The following SEZ6L variants were observed in gnomAD, a reference collection of about 807,000 sequenced individuals.
The protein encoded by SEZ6L is seizure 6-like protein.
Under a neutral mutation model 106.2 loss-of-function variants are expected in SEZ6L, and 37 were observed. The observed-to-expected ratio is 0.35, with a 90% CI of 0.27 to 0.46. The LOEUF is 0.46. SEZ6L is among the 20% of genes least tolerant of loss of function. The pLI is 1.00. For synonymous variants in SEZ6L, 541 were observed against 570.4 expected (o/e 0.95, Z 0.73); for missense variants, 1,172 against 1,332.8 (o/e 0.88, Z 1.88).
chr22:26,170,779 T>A (rs569534917), intron 1 of SEZ6L, among the ~76,000 whole-genome samples: 1 of 152,130 alleles, frequency 6.6e-6, no homozygotes, highest in South Asian at 2.1e-4. Flanking sequence ...TCTTGCAAGG[T>A]CCCAGAAATG....
intron 3 of SEZ6L, among the ~76,000 whole-genome samples, chr22:26,295,883 A>G (rs1235975098): frequency 6.6e-6 from 1 of 152,216 alleles, no homozygotes; most frequent in Non-Finnish European, 1.5e-5. Flanking sequence ...AGGAACAGGC[A>G]AACTCCTTGG....
At chr22:26,226,290 T>C (rs965253895) in intron 1 of SEZ6L, among the ~76,000 whole-genome samples, 5 of 152,242 alleles carry the variant, frequency 3.3e-5, no homozygotes, top group African/African-American at 9.6e-5. Context: ...ATGATGAATG[T>C]GATCCACTGT....
In SEZ6L at chr22:26,321,004, A is replaced by C. The variant is rs192887986; in HGVS notation, c.2015+7102A>C. ...TGATCTATGCTAAGACCTGAAAGAC[A>C]GAGAGAAGATGGGCAGAGATGGAGG... On this transcript the variant is annotated intron_variant, in intron 9 of 16. Coordinates refer to ENST00000248933, the MANE Select transcript of SEZ6L (RefSeq NM_021115.5). Among the ~76,000 whole-genome samples the C allele has an allele frequency of 5.9e-5, 9 of 152,336 alleles. No homozygotes were observed. The East Asian group carries it at 1.7e-3, about 29-fold the overall frequency.
At chr22:26,198,309 A>C (rs187396560) in intron 1 of SEZ6L, among the ~76,000 whole-genome samples, 2 of 152,364 alleles carry the variant, frequency 1.3e-5, no homozygotes, top group Admixed American at 1.3e-4. Context: ...TGGATAATAC[A>C]TGTAAAAGTA....
At chr22:26,318,087 A>ATTTTT (rs1556344181) in intron 9 of SEZ6L, among the ~76,000 whole-genome samples, 1 of 141,086 alleles carries the variant, frequency 7.1e-6, no homozygotes, top group Non-Finnish European at 1.6e-5. Flanking sequence ...ATTTTATTTT[A>ATTTTT]TTTTTTGTGA....
At chr22:26,357,986 C>T (rs1230708291) in intron 12 of SEZ6L, among the ~76,000 whole-genome samples, 1 of 152,152 alleles carries the variant, frequency 6.6e-6, no homozygotes, top group Middle Eastern at 3.2e-3. Context: ...TTCTCACAGC[C>T]CTGAGCCCAG....
chr22:26,378,407 G>C (rs1382959234), intron 16 of SEZ6L, among the ~76,000 whole-genome samples: 1 of 152,190 alleles, frequency 6.6e-6, no homozygotes, highest in East Asian at 1.9e-4. Flanking sequence ...ACACAGCCAG[G>C]ATGCACAGCC....
chr22:26,363,683 T>C (rs1286812809), intron 12 of SEZ6L, among the ~76,000 whole-genome samples: 1 of 152,216 alleles, frequency 6.6e-6, no homozygotes, highest in African/African-American at 2.4e-5. Context: ...TTTCTGTGGG[T>C]CAGAAATCTG....
intron 1 of SEZ6L, among the ~76,000 whole-genome samples, chr22:26,233,729 AC>A (rs1485734341): frequency 3.3e-5 from 5 of 152,182 alleles, no homozygotes; most frequent in Non-Finnish European, 1.5e-5. Context: ...AAGTAAACCC[AC>A]AAATAAGCAA....
At chr22:26,172,901 TG>T (rs1459934414) in intron 1 of SEZ6L, among the ~76,000 whole-genome samples, 2 of 152,178 alleles carry the variant, frequency 1.3e-5, no homozygotes, top group African/African-American at 4.8e-5. Context: ...GAAGCCAAAT[TG>T]CAAAACATCC....
At chr22:26,324,338 C>G (rs1051959460) in intron 9 of SEZ6L, among the ~76,000 whole-genome samples, 4 of 152,150 alleles carry the variant, frequency 2.6e-5, no homozygotes, top group Non-Finnish European at 5.9e-5. Flanking sequence ...AGCCCCAGCA[C>G]AGTTCTCTAA....
At chr22:26,362,302 A>G (rs2083661768) in intron 12 of SEZ6L, among the ~76,000 whole-genome samples, 1 of 152,218 alleles carries the variant, frequency 6.6e-6, no homozygotes, top group Non-Finnish European at 1.5e-5. Context: ...AAGTATACAG[A>G]TGACCTTCAA....
intron 9 of SEZ6L, among the ~76,000 whole-genome samples, chr22:26,329,859 C>CA (rs1168789282): frequency 2.0e-5 from 3 of 151,786 alleles, no homozygotes; most frequent in South Asian, 2.1e-4. Flanking sequence ...CTAAGGCCTT[C>CA]AAAAAAAACT....
At chr22:26,257,328 G>A (rs2079855169) in intron 1 of SEZ6L, among the ~76,000 whole-genome samples, 1 of 152,106 alleles carries the variant, frequency 6.6e-6, no homozygotes, top group Non-Finnish European at 1.5e-5. Context: ...ATAGATGATG[G>A]ATCTGGGGAA....
chr22:26,310,434 G>T (rs545512976), intron 6 of SEZ6L, among the ~76,000 whole-genome samples: 53 of 152,320 alleles, frequency 3.5e-4, no homozygotes, highest in African/African-American at 1.3e-3. Flanking sequence ...TACTCGGGAG[G>T]CTGAGGCAGG....
At chr22:26,352,148 G>A (rs1259958845) in intron 12 of SEZ6L, among the ~76,000 whole-genome samples, 3 of 128,682 alleles carry the variant, frequency 2.3e-5, no homozygotes, top group Admixed American at 8.8e-5. Flanking sequence ...GTGGCACAGC[G>A]AGACCCTGCC....
intron 1 of SEZ6L, among the ~76,000 whole-genome samples, chr22:26,209,594 G>GA (rs1569381522): frequency 2.0e-5 from 3 of 150,816 alleles, no homozygotes; most frequent in Non-Finnish European, 1.5e-5. Context: ...TAGATGGTAG[G>GA]AAAAAAGGAA....
At chr22:26,348,299 C>A (rs2083075907) in intron 11 of SEZ6L, among the ~76,000 whole-genome samples, 1 of 151,734 alleles carries the variant, frequency 6.6e-6, no homozygotes, top group Non-Finnish European at 1.5e-5. Flanking sequence ...AGTTTGATAG[C>A]AGCCTGGGCA....
chr22:26,172,798 A>G (rs1050157676), intron 1 of SEZ6L, among the ~76,000 whole-genome samples: 14 of 152,220 alleles, frequency 9.2e-5, no homozygotes, highest in African/African-American at 3.1e-4. Flanking sequence ...ACGCAGTGAA[A>G]AAGAGAAAGA....
Sources: allele counts gnomAD v4.1 joint callset (sites outside exome capture counted in the v4.1 genomes callset), GRCh38; gene constraint gnomAD v4.1.1; transcripts MANE v1.5; gene names NCBI Gene and HGNC (gene_info 2026-07-23, HGNC 2026-07-21).